Variants in CEP78 observed in about 807,000 individuals in gnomAD.
CEP78 encodes centrosomal protein of 78 kDa.
Under a neutral mutation model 81.2 loss-of-function variants are expected in CEP78, and 76 were observed. That is an observed-to-expected ratio of 0.94 (90% CI 0.78 to 1.13). The LOEUF (loss-of-function observed/expected upper bound fraction) is 1.13. Among genes scored for constraint, CEP78 ranks in the 50% most tolerant of loss-of-function variants. The pLI is 0.00. For synonymous variants in CEP78, 293 were observed against 301.4 expected, an observed-to-expected ratio of 0.97 and a Z score of 0.29; for missense variants, 918 against 846.8, an observed-to-expected ratio of 1.08 and a Z score of -1.04.
At chr9:78,239,569 C>T (rs1400449183) in intron 1 of CEP78, among the ~76,000 whole-genome samples, 3 of 152,188 alleles carry the variant, frequency 2.0e-5, no homozygotes, top group Non-Finnish European at 4.4e-5. Context: ...TAGCCCTGAT[C>T]CTCATCACCT....
intron 12 of CEP78, 24 bp downstream of exon 12, chr9:78,263,008 T>C: frequency 6.9e-7 from 1 of 1,457,072 alleles, no homozygotes; most frequent in Non-Finnish European, 9.3e-7. Context: ...TTCTTACCTT[T>C]TGAGAGTTTT....
At chr9:78,263,303 G>A (rs1827362368) in intron 12 of CEP78, among the ~76,000 whole-genome samples, 2 of 151,944 alleles carry the variant, frequency 1.3e-5, no homozygotes, top group Non-Finnish European at 2.9e-5. Flanking sequence ...ATACAATTGC[G>A]TAAAAGATGG....
intron 5 of CEP78, among the ~76,000 whole-genome samples, chr9:78,245,492 A>G (rs2087493306): frequency 6.6e-6 from 1 of 152,168 alleles, no homozygotes; most frequent in East Asian, 1.9e-4. Flanking sequence ...CCAATTCCTA[A>G]TACTACTACC....
At chr9:78,270,482 A>G (rs1331214351) in intron 16 of CEP78, among the ~76,000 whole-genome samples, 2 of 152,178 alleles carry the variant, frequency 1.3e-5, no homozygotes, top group Admixed American at 6.5e-5. Flanking sequence ...AGAAATTACT[A>G]TGCACCTTTA....
chr9:78,265,709 A>G (rs1827496192), intron 14 of CEP78, 150 bp from the exon 15 acceptor site: 2 of 750,144 alleles, frequency 2.7e-6, no homozygotes, highest in African/African-American at 3.6e-5. Flanking sequence ...CCATTTCCTT[A>G]TATTGTATTG....
Position 78,265,486 on chromosome 9 carries a change from T to G in CEP78, c.1740T>G (p.Leu580=), listed in dbSNP as rs774850231. 8.8e-6 allele frequency: 14 copies of G among 1,588,500 alleles called. No individual in the cohort carries two copies. Among genetic ancestry groups the G allele is most frequent in the Non-Finnish European group, 1.2e-5 (14 of 1,166,822 alleles). ...SNPPKEEKKA[L]EDEKPEPKQN... is the part of the protein sequence containing the mutation. ...CACCTAAAGAAGAAAAGAAGGCGCT[T>G]GAAGATGAAAAACCAGAACCGAAGC... The change falls in exon 14 of 17, where the codon CTT becomes CTG. Residue 580 remains leucine, a synonymous_variant. Transcript: ENST00000643273.
At chr9:78,239,506 A>G (rs117644584) in intron 1 of CEP78, among the ~76,000 whole-genome samples, 2,454 of 152,246 alleles carry the variant, frequency 0.016, 37 homozygotes, top group Non-Finnish European at 0.026. Flanking sequence ...TGATACTCCA[A>G]CAGTGAGGCA....
Position 78,273,354 on chromosome 9 carries a change from A to T in CEP78, c.*2503A>T, listed in dbSNP as rs2118541486. The T allele has an allele frequency of 6.6e-6, 1 of 152,324 alleles. No individual in the cohort carries two copies. The highest frequency in any genetic ancestry group is 2.1e-4 in the South Asian group (1 of 4,826). 9.4% of individuals were successfully genotyped at this position (152,324 alleles called of 1,614,324 possible). A position where few individuals can be genotyped will look rare whatever the true frequency, so the allele number is the denominator to read the frequency against. ...CAGACTAAATAGAACCCAAGGTGAA[A>T]ATTGGTAAAGGGGACAAAAGCTTCT... On this transcript the variant is annotated 3_prime_UTR_variant, in exon 17 of 17. Coordinates refer to ENST00000643273, the MANE Select transcript of CEP78 (RefSeq NM_001330691.3).
Position 78,271,634 on chromosome 9 carries a change from G to GA in CEP78, c.*789dup, listed in dbSNP as rs1198464195. 1 of 151,672 alleles carries GA rather than the reference G, an allele frequency of 6.6e-6. No individual in the cohort carries two copies. The allele number at this position is 151,672 out of a possible 1,614,324, so 9.4% of individuals were successfully genotyped here. ...GTTTCATCAGCAACTTAATTACTTAGAAAAAATCTTTCTCAGAGTAACTAA... is the reference window on the plus strand; with the variant it reads ...GTTTCATCAGCAACTTAATTACTTAGAAAAAAATCTTTCTCAGAGTAACTAA... On this transcript the variant is annotated 3_prime_UTR_variant, in exon 17 of 17. Transcript: ENST00000643273.
chr9:78,238,642 C>T (rs77643792), intron 1 of CEP78, among the ~76,000 whole-genome samples: 1 of 152,190 alleles, frequency 6.6e-6, no homozygotes, highest in Admixed American at 6.5e-5. Context: ...AGCACCATCT[C>T]TTCTGCAAGG....
chr9:78,262,768 C>T lies in CEP78; in HGVS notation c.1381-139C>T, dbSNP rs1453778656. ...TTCCCTAGCATGGTATGATATTATA[C>T]AAGCAGTAGGCTATAATCCTGATAT... On this transcript the variant is annotated intron_variant, in intron 11 of 16. Coordinates refer to ENST00000643273, the MANE Select transcript of CEP78 (RefSeq NM_001330691.3). 2.1e-5 allele frequency: 10 copies of T among 477,060 alleles called. No individual in the cohort carries two copies. In the East Asian group the frequency reaches 2.9e-4, roughly 14 times the overall value. The allele number at this position is 477,060 out of a possible 1,614,324, so 29.6% of individuals were successfully genotyped here.
chr9:78,252,910 A>G (rs1367926601), intron 9 of CEP78, among the ~76,000 whole-genome samples: 2 of 152,240 alleles, frequency 1.3e-5, no homozygotes, highest in East Asian at 3.9e-4. Flanking sequence ...GATACTTACT[A>G]ATTTCAAGTC....
At chr9:78,265,733 A>C (rs1827497462) in intron 14 of CEP78, 126 bp from the exon 15 acceptor site, 1 of 754,390 alleles carries the variant, frequency 1.3e-6, no homozygotes, top group African/African-American at 1.8e-5. Context: ...TAAATAAAAA[A>C]TAAGAAAGTT....
rs1211685344 is a variant in CEP78, at chr9:78,236,204, G to A, written c.-147G>A. 1.9e-5 allele frequency: 13 copies of A among 694,102 alleles called. No homozygotes were observed. Among genetic ancestry groups the A allele is most frequent in the Non-Finnish European group, 3.0e-5 (13 of 433,884 alleles). 43.0% of individuals were successfully genotyped at this position (694,102 alleles called of 1,614,324 possible). A position where few individuals can be genotyped will look rare whatever the true frequency, so the allele number is the denominator to read the frequency against. ...TTGGGGCTCTGGCCTTGCGTCTTCC[G>A]ACCGAATCACCGCTCCTGAGCCCGG... On this transcript the variant is annotated 5_prime_UTR_variant, in exon 1 of 17. Transcript: ENST00000643273.
In CEP78 at chr9:78,275,032, G is replaced by A. The variant is rs112893187; in HGVS notation, c.*4181G>A. The A allele has an allele frequency of 6.6e-6, 1 of 152,046 alleles. No homozygotes were observed. Among genetic ancestry groups the A allele is most frequent in the African/African-American group, 2.4e-5 (1 of 41,410 alleles). The allele number at this position is 152,046 out of a possible 1,614,324, so 9.4% of individuals were successfully genotyped here. A position where few individuals can be genotyped will look rare whatever the true frequency, so the allele number is the denominator to read the frequency against. ...TTTTAAAAATGAAAGATAAACCTTT[G>A]TAAAATATGATAAAGAAAAAAAAGC... On this transcript the variant is annotated 3_prime_UTR_variant, in exon 17 of 17. Transcript: ENST00000643273.
At chr9:78,261,861 A>C (rs1357835822) in intron 11 of CEP78, among the ~76,000 whole-genome samples, 1 of 152,180 alleles carries the variant, frequency 6.6e-6, no homozygotes, top group Non-Finnish European at 1.5e-5. Flanking sequence ...ATGAAACATT[A>C]AAGAATTTGT....
chr9:78,250,621 C>T (rs1322588098), intron 8 of CEP78, among the ~76,000 whole-genome samples: 1 of 152,062 alleles, frequency 6.6e-6, no homozygotes, highest in South Asian at 2.1e-4. Flanking sequence ...CACCTGTAAT[C>T]CAAGCTCCTC....
intron 16 of CEP78, among the ~76,000 whole-genome samples, chr9:78,269,642 C>G (rs1337720569): frequency 6.6e-6 from 1 of 152,156 alleles, no homozygotes; most frequent in Non-Finnish European, 1.5e-5. Flanking sequence ...AGTTAGGTCC[C>G]AGGTGACCTT....
At chr9:78,251,763 G>T (rs577412635) in intron 8 of CEP78, 145 bp from the exon 9 acceptor site, 29 of 451,498 alleles carry the variant, frequency 6.4e-5, no homozygotes, top group African/African-American at 5.6e-4. Context: ...GTGTAAAAAG[G>T]TATTTACAAA....
Sources: allele counts gnomAD v4.1 joint callset (sites outside exome capture counted in the v4.1 genomes callset), GRCh38; gene constraint gnomAD v4.1.1; transcripts MANE v1.5; gene names NCBI Gene and HGNC (gene_info 2026-07-23, HGNC 2026-07-21).